Variants in COX20 observed in about 807,000 individuals in gnomAD.
COX20 encodes cytochrome c oxidase assembly factor COX20, also known as cytochrome c oxidase assembly protein COX20, mitochondrial.
A neutral mutation model predicts 14.3 loss-of-function variants in COX20; 14 were observed. The ratio of observed to expected loss-of-function variants is 0.98; its 90% CI spans 0.65 to 1.53. The LOEUF is 1.53. COX20 is among the 40% of genes most tolerant of loss of function. COX20 has a pLI of 0.00. For synonymous variants in COX20, 56 were observed against 51.7 expected (o/e 1.08, Z -0.36); for missense variants, 149 against 142.1 (o/e 1.05, Z -0.25).
At chr1:244,836,292 C>G (rs1679980559) in intron 1 of COX20, among the ~76,000 whole-genome samples, 1 of 152,194 alleles carries the variant, frequency 6.6e-6, no homozygotes, top group African/African-American at 2.4e-5. Context: ...CCACTATTGT[C>G]CGCTGGCCCT....
chr1:244,841,407 T>C (rs1263148800), intron 1 of COX20: 1 of 153,224 alleles, frequency 6.5e-6, no homozygotes, highest in Non-Finnish European at 1.5e-5. Flanking sequence ...GTTTAATATA[T>C]TGCCCATGTT....
rs1456182343 is a variant in COX20 at position 244,841,999 on chromosome 1, C to T, written c.98C>T (p.Ser33Leu). ...DVENTPCARHSILYGSLGSVV... is the reference protein window; with the variant it reads ...DVENTPCARHLILYGSLGSVV... ...GAAAATACTCCCTGCGCCCGGCATTCAATATTGTATGGTTCATTAGGATCT... is the reference window on the plus strand; with the variant it reads ...GAAAATACTCCCTGCGCCCGGCATTTAATATTGTATGGTTCATTAGGATCT... The change falls in exon 2 of 4, where the codon TCA (serine) becomes TTA (leucine). Residue 33 changes from serine (S) to leucine (L), a missense_variant. By Grantham distance (145) the Ser-to-Leu change is moderately radical. Coordinates refer to ENST00000411948, the MANE Select transcript of COX20 (RefSeq NM_198076.6). 4 of 1,612,136 alleles carry T rather than the reference C, an allele frequency of 2.5e-6. No homozygotes were observed. The highest frequency in any genetic ancestry group is 3.4e-6 in the Non-Finnish European group (4 of 1,178,732).
intron 1 of COX20, chr1:244,839,660 A>G (rs899143470): frequency 1.3e-5 from 2 of 152,222 alleles, no homozygotes; most frequent in Non-Finnish European, 2.9e-5. Flanking sequence ...CTGTAAAGGT[A>G]TACAGGCTCA....
rs577483397 is a variant in COX20 at position 244,836,633 on chromosome 1, A to G, written c.42+877A>G. 40 of 948,516 alleles carry G rather than the reference A, an allele frequency of 4.2e-5. 1 individual carries two copies. In the East Asian group the frequency reaches 6.6e-4, roughly 16 times the overall value. 58.8% of individuals were successfully genotyped at this position (948,516 alleles called of 1,614,324 possible). Reference sequence around the variant, plus strand: ...TCAGAAAAGAATAATGCAAGAGGAAAAAAGTTTAATATAAACTAGGGAGAT... The same window carrying G: ...TCAGAAAAGAATAATGCAAGAGGAAGAAAGTTTAATATAAACTAGGGAGAT... On this transcript the variant is annotated intron_variant, in intron 1 of 3. Transcript: ENST00000411948.
intron 1 of COX20, chr1:244,839,956 C>G (rs1020130706): frequency 6.6e-6 from 1 of 152,102 alleles, no homozygotes; most frequent in Non-Finnish European, 1.5e-5. Context: ...ATGTAGAGAG[C>G]CTGGCACTAA....
rs1680366801 is a variant in COX20, at chr1:244,844,889, C to T, written c.*1713C>T. 6.6e-6 allele frequency: 1 copy of T among 152,210 alleles called. No homozygotes were observed. The highest frequency in any genetic ancestry group is 6.5e-5 in the Admixed American group (1 of 15,272). The allele number at this position is 152,210 out of a possible 1,614,324, so 9.4% of individuals were successfully genotyped here. Reference sequence around the variant, plus strand: ...TATTTAACAAAATATGGACAGGCCACTTATGCTCAGTTTTACCTTAGTTAT... The same window carrying T: ...TATTTAACAAAATATGGACAGGCCATTTATGCTCAGTTTTACCTTAGTTAT... On this transcript the variant is annotated 3_prime_UTR_variant, in exon 4 of 4. Transcript: ENST00000411948.
chr1:244,840,570 A>C (rs1680161116), intron 1 of COX20: 1 of 151,936 alleles, frequency 6.6e-6, no homozygotes, highest in Non-Finnish European at 1.5e-5. Flanking sequence ...CAAAGCTTTG[A>C]AGCAATCCTA....
chr1:244,843,829 G>A lies in COX20; in HGVS notation c.*653G>A, dbSNP rs1680312946. 1 of 152,142 alleles carries A rather than the reference G, an allele frequency of 6.6e-6. No individual in the cohort carries two copies. The highest frequency in any genetic ancestry group is 2.1e-4 in the South Asian group (1 of 4,826). 9.4% of individuals were successfully genotyped at this position (152,142 alleles called of 1,614,324 possible). On this transcript the variant is annotated 3_prime_UTR_variant, in exon 4 of 4. Coordinates refer to ENST00000411948, the MANE Select transcript of COX20 (RefSeq NM_198076.6). ...AGACTGATGCAATAGTAAAACAACT[G>A]CAGAATTACTATTAATGTAAACAAT...
chr1:244,836,542 C>G (rs1217702753), intron 1 of COX20: 1 of 1,546,044 alleles, frequency 6.5e-7, no homozygotes, highest in Admixed American at 2.0e-5. Context: ...TCTTGTTTTC[C>G]TCTTTTCCTG....
intron 1 of COX20, among the ~76,000 whole-genome samples, chr1:244,838,078 G>A (rs568197147): frequency 6.6e-6 from 1 of 152,146 alleles, no homozygotes; most frequent in African/African-American, 2.4e-5. Context: ...TGCTCAACCT[G>A]TATTAGCAAT....
At chr1:244,836,385 A>C (rs1679985070) in intron 1 of COX20, 1 of 987,466 alleles carries the variant, frequency 1.0e-6, no homozygotes, top group African/African-American at 1.6e-5. Flanking sequence ...TAAGGATAAA[A>C]CCCAAATTCT....
intron 1 of COX20, chr1:244,839,688 C>A (rs1680118084): frequency 6.6e-6 from 1 of 152,094 alleles, no homozygotes; most frequent in Admixed American, 6.6e-5. Context: ...GCATATTCTT[C>A]CTGTTTTGAT....
intron 1 of COX20, among the ~76,000 whole-genome samples, chr1:244,837,767 G>A (rs1365086950): frequency 1.3e-5 from 2 of 152,212 alleles, no homozygotes; most frequent in Non-Finnish European, 2.9e-5. Flanking sequence ...AAGGCAGCAT[G>A]TGTTCGTTCG....
In COX20 at chr1:244,844,925, C is replaced by T; in HGVS notation, c.*1749C>T. 6.6e-6 allele frequency: 1 copy of T among 152,588 alleles called. No individual in the cohort carries two copies. The highest frequency in any genetic ancestry group is 1.5e-5 in the Non-Finnish European group (1 of 68,038). 9.5% of individuals were successfully genotyped at this position (152,588 alleles called of 1,614,324 possible). ...TTTTACCTTAGTTATTCCTTGGTAT[C>T]CACAGGCCCAAGTCCCTTTAAATAA... On this transcript the variant is annotated 3_prime_UTR_variant, in exon 4 of 4. Transcript: ENST00000411948.
chr1:244,839,420 A>T (rs959926577), intron 1 of COX20, among the ~76,000 whole-genome samples: 2 of 152,168 alleles, frequency 1.3e-5, no homozygotes, highest in African/African-American at 4.8e-5. Flanking sequence ...ATCTAAGCTT[A>T]AAAAATGTCT....
At chr1:244,842,415 C>G in intron 3 of COX20, 157 bp downstream of exon 3, 1 of 642,768 alleles carries the variant, frequency 1.6e-6, no homozygotes, top group Non-Finnish European at 2.8e-6. Context: ...TCTTAAAATG[C>G]TTGAACAGAT....
rs1680369799 is a variant in COX20, at chr1:244,844,953, T to A, written c.*1777T>A. The A allele has an allele frequency of 6.5e-6, 1 of 154,450 alleles. No individual in the cohort carries two copies. The allele number at this position is 154,450 out of a possible 1,614,324, so 9.6% of individuals were successfully genotyped here. A position where few individuals can be genotyped will look rare whatever the true frequency, so the allele number is the denominator to read the frequency against. ...CAGGCCCAAGTCCCTTTAAATAAAA[T>A]ACCCTCATATTTCCATATAATCTAC... On this transcript the variant is annotated 3_prime_UTR_variant, in exon 4 of 4. Coordinates refer to ENST00000411948, the MANE Select transcript of COX20 (RefSeq NM_198076.6).
In COX20 at chr1:244,844,741, G is replaced by A. The variant is rs868149257; in HGVS notation, c.*1565G>A. On this transcript the variant is annotated 3_prime_UTR_variant, in exon 4 of 4. Coordinates refer to ENST00000411948, the MANE Select transcript of COX20 (RefSeq NM_198076.6). ...GATCGCGCCATTGCACTCTAGCCTA[G>A]GTGACAGAGTGAGACTCCATCTCAA... is the stretch of plus-strand genomic sequence containing the variant. 1 of 151,720 alleles carries A rather than the reference G, an allele frequency of 6.6e-6. No individual in the cohort carries two copies. Among genetic ancestry groups the A allele is most frequent in the Non-Finnish European group, 1.5e-5 (1 of 68,012 alleles). The allele number at this position is 151,720 out of a possible 1,614,324, so 9.4% of individuals were successfully genotyped here.
chr1:244,838,141 C>T (rs781545072), intron 1 of COX20, among the ~76,000 whole-genome samples: 5 of 152,228 alleles, frequency 3.3e-5, no homozygotes, highest in South Asian at 2.1e-4. Context: ...GTGGATCCTT[C>T]CAGACTTGCT....
Sources: gnomAD v4.1 joint callset for allele counts (sites outside exome capture counted in the v4.1 genomes callset) on GRCh38, gnomAD v4.1.1 for gene constraint, MANE v1.5 for transcripts, NCBI Gene and HGNC (gene_info 2026-07-23, HGNC 2026-07-21) for gene names.